Variants in CHRM2 observed in about 807,000 individuals in gnomAD.
The protein encoded by CHRM2 is cholinergic receptor muscarinic 2.
Under a neutral mutation model 25.0 loss-of-function variants are expected in CHRM2, and 8 were observed. The observed-to-expected ratio is 0.32, with a 90% CI of 0.19 to 0.58. The LOEUF is 0.58. CHRM2 is among the 20% of genes least tolerant of loss of function. CHRM2 has a pLI of 0.88. For missense variants in CHRM2, 440 were observed against 567.1 expected (o/e 0.78, Z 2.28); for synonymous variants, 202 against 205.7 (o/e 0.98, Z 0.15).
At chr7:136,881,567 C>T (rs1796267602) in intron 2 of CHRM2, among the ~76,000 whole-genome samples, 1 of 152,000 alleles carries the variant, frequency 6.6e-6, no homozygotes, top group Non-Finnish European at 1.5e-5. Context: ...AGAACTCTTG[C>T]TCTGAATATT....
At chr7:136,887,393 T>C (rs1433907317) in intron 2 of CHRM2, among the ~76,000 whole-genome samples, 1 of 152,030 alleles carries the variant, frequency 6.6e-6, no homozygotes, top group Non-Finnish European at 1.5e-5. Flanking sequence ...GAATTGTCAA[T>C]CTCTGGTGAC....
intron 2 of CHRM2, among the ~76,000 whole-genome samples, chr7:136,966,332 G>C (rs1801414995): frequency 1.3e-5 from 2 of 151,854 alleles, no homozygotes; most frequent in African/African-American, 4.8e-5. Flanking sequence ...AAATTGTCGT[G>C]ATGGCAGATG....
chr7:137,016,441 A>C lies in CHRM2; in HGVS notation c.*175A>C. ...TCACGCCTAGGCTCCAGTTTGCAAA[A>C]ATTGCACCTTATAAACTGTCAGTAT... On this transcript the variant is annotated 3_prime_UTR_variant, in exon 4 of 4. Coordinates refer to ENST00000680005, the MANE Select transcript of CHRM2 (RefSeq NM_001006630.2). 1 of 649,234 alleles carries C rather than the reference A, an allele frequency of 1.5e-6. No homozygotes were observed. The highest frequency in any genetic ancestry group is 2.7e-6 in the Non-Finnish European group (1 of 366,816). The allele number at this position is 649,234 out of a possible 1,614,324, so 40.2% of individuals were successfully genotyped here.
At chr7:136,919,375 G>T (rs1563066054) in intron 2 of CHRM2, among the ~76,000 whole-genome samples, 1 of 151,890 alleles carries the variant, frequency 6.6e-6, no homozygotes, top group Non-Finnish European at 1.5e-5. Flanking sequence ...AGTGAATATG[G>T]TTTACCTTAA....
In CHRM2 at chr7:137,004,560, C is replaced by T. The variant is rs189206527; in HGVS notation, c.-46-10260C>T. 4.0e-3 allele frequency among the ~76,000 whole-genome samples: 603 copies of T among 152,162 alleles called. 1 individual carries two copies. The highest frequency in any genetic ancestry group is 5.6e-3 in the Non-Finnish European group (380 of 67,990). On this transcript the variant is annotated intron_variant, in intron 3 of 3. Coordinates refer to ENST00000680005, the MANE Select transcript of CHRM2 (RefSeq NM_001006630.2). ...TGAGGTCTTCGGAAGAGAGGGTGGGCACAGCATGTGATGACTTATCTTACA... is the reference window on the plus strand; with the variant it reads ...TGAGGTCTTCGGAAGAGAGGGTGGGTACAGCATGTGATGACTTATCTTACA...
At chr7:136,935,111 A>C (rs541882526) in intron 2 of CHRM2, among the ~76,000 whole-genome samples, 1 of 152,264 alleles carries the variant, frequency 6.6e-6, no homozygotes, top group South Asian at 2.1e-4. Context: ...ACAAAGTCTA[A>C]AATTTAAATA....
chr7:136,996,682 G>T (rs1803626641), intron 3 of CHRM2, among the ~76,000 whole-genome samples: 1 of 152,070 alleles, frequency 6.6e-6, no homozygotes, highest in Non-Finnish European at 1.5e-5. Context: ...CACCAATAGA[G>T]AATTATTTAA....
At chr7:136,975,176 G>A (rs879729730) in intron 2 of CHRM2, among the ~76,000 whole-genome samples, 3 of 152,104 alleles carry the variant, frequency 2.0e-5, no homozygotes, top group Admixed American at 6.6e-5. Context: ...ATGTAAGCTG[G>A]GGTATCAGAG....
chr7:137,002,276 ATTAAC>A (rs1804094163), intron 3 of CHRM2, among the ~76,000 whole-genome samples: 1 of 152,214 alleles, frequency 6.6e-6, no homozygotes, highest in Non-Finnish European at 1.5e-5. Context: ...CAAGTTACAA[ATTAAC>A]TTTATGCATA....
intron 2 of CHRM2, among the ~76,000 whole-genome samples, chr7:136,893,076 T>C (rs188511816): frequency 2.0e-5 from 3 of 152,234 alleles, no homozygotes; most frequent in Non-Finnish European, 4.4e-5. Flanking sequence ...TAAAGAGACA[T>C]GTCTCTCTCT....
At chr7:136,988,698 T>C (rs749483625) in intron 2 of CHRM2, among the ~76,000 whole-genome samples, 14 of 152,100 alleles carry the variant, frequency 9.2e-5, no homozygotes, top group Admixed American at 2.6e-4. Flanking sequence ...CTGCAGCCAA[T>C]GCTTGCCTAA....
chr7:136,953,491 T>C (rs190909801), intron 2 of CHRM2, among the ~76,000 whole-genome samples: 15 of 152,252 alleles, frequency 9.9e-5, no homozygotes, highest in African/African-American at 3.6e-4. Context: ...TTGTCTATCC[T>C]TAGAAACCCA....
chr7:137,008,827 T>A (rs1186871489), intron 3 of CHRM2, among the ~76,000 whole-genome samples: 2 of 152,084 alleles, frequency 1.3e-5, no homozygotes, highest in Non-Finnish European at 2.9e-5. Context: ...TCAGCTGTTA[T>A]CAACCATGGA....
At chr7:136,973,600 CGGTG>C (rs1801921413) in intron 2 of CHRM2, among the ~76,000 whole-genome samples, 2 of 117,192 alleles carry the variant, frequency 1.7e-5, no homozygotes, top group Non-Finnish European at 3.6e-5. Context: ...TAGGTGATGA[CGGTG>C]ATGGTGTTAG....
intron 3 of CHRM2, among the ~76,000 whole-genome samples, chr7:137,012,574 A>C (rs1804893266): frequency 1.3e-5 from 2 of 151,998 alleles, no homozygotes; most frequent in Non-Finnish European, 2.9e-5. Context: ...TCTTCTAACT[A>C]TATAACTTTC....
At chr7:136,943,563 G>C (rs1340813540) in intron 2 of CHRM2, among the ~76,000 whole-genome samples, 1 of 152,068 alleles carries the variant, frequency 6.6e-6, no homozygotes, top group African/African-American at 2.4e-5. Context: ...GCTTGTAACG[G>C]TCGCCAAGCT....
chr7:136,963,608 C>T lies in CHRM2; in HGVS notation c.-124-28579C>T, dbSNP rs539853013. The stretch of plus-strand genomic sequence containing the variant: ...TTAATTATTCTCTATTCAAGGCGCA[C>T]GTCCCCACAATTTAGTCCAGTACAT... On this transcript the variant is annotated intron_variant, in intron 2 of 3. Coordinates refer to ENST00000680005, the MANE Select transcript of CHRM2 (RefSeq NM_001006630.2). 2.4e-4 allele frequency among the ~76,000 whole-genome samples: 36 copies of T among 152,238 alleles called. 1 individual carries two copies. The South Asian group carries it at 4.2e-3, about 18-fold the overall frequency.
chr7:136,982,266 C>T (rs983415319), intron 2 of CHRM2, among the ~76,000 whole-genome samples: 1 of 152,094 alleles, frequency 6.6e-6, no homozygotes, highest in Non-Finnish European at 1.5e-5. Flanking sequence ...AGGATTGCAA[C>T]CCCTACTTAT....
At chr7:136,983,438 T>C (rs188792228) in intron 2 of CHRM2, among the ~76,000 whole-genome samples, 1 of 152,306 alleles carries the variant, frequency 6.6e-6, no homozygotes, top group Non-Finnish European at 1.5e-5. Context: ...TTCTGTCTAT[T>C]CATCAAACTC....
Sources: gnomAD v4.1 joint callset for allele counts (sites outside exome capture counted in the v4.1 genomes callset) on GRCh38, gnomAD v4.1.1 for gene constraint, MANE v1.5 for transcripts, NCBI Gene and HGNC (gene_info 2026-07-23, HGNC 2026-07-21) for gene names.